The following MRPL10 variants were observed in gnomAD, a reference collection of about 807,000 sequenced individuals.
MRPL10 encodes large ribosomal subunit protein uL10m.
Under a neutral mutation model 19.8 loss-of-function variants are expected in MRPL10, and 14 were observed. The ratio of observed to expected loss-of-function variants is 0.71; its 90% CI spans 0.47 to 1.11. The LOEUF (loss-of-function observed/expected upper bound fraction) is 1.11, where lower values mean the gene tolerates loss of function less well. Among genes scored for constraint, MRPL10 ranks in the 50% least tolerant of loss-of-function variants. The probability of loss-of-function intolerance (pLI) is 0.00; values close to 1 mark genes in which losing one functional copy is unlikely to be tolerated. For synonymous variants in MRPL10, 129 were observed against 139.2 expected (o/e 0.93, Z 0.52); for missense variants, 318 against 339.6 (o/e 0.94, Z 0.50).
chr17:47,827,995 G>A (rs2033562819), intron 2 of MRPL10, among the ~76,000 whole-genome samples: 1 of 150,858 alleles, frequency 6.6e-6, no homozygotes, highest in Non-Finnish European at 1.5e-5. Context: ...ACGAGGTCAG[G>A]AGATCAAGAC....
chr17:47,826,960 T>C (rs757084228), intron 3 of MRPL10, 80 bp downstream of exon 3: 19 of 1,478,058 alleles, frequency 1.3e-5, no homozygotes, highest in Non-Finnish European at 1.7e-5. Context: ...GTATCATCAC[T>C]GGGGAGCAGA....
At chr17:47,829,941 A>G (rs1437997803) in intron 1 of MRPL10, among the ~76,000 whole-genome samples, 1 of 151,994 alleles carries the variant, frequency 6.6e-6, no homozygotes, top group Non-Finnish European at 1.5e-5. Flanking sequence ...ATAAATTCTC[A>G]GGCCCTGCCT....
rs182551971 is a variant in MRPL10 at position 47,828,157 on chromosome 17, C to G, written c.222+344G>C. Among the ~76,000 whole-genome samples, 19 of 150,948 alleles carry G rather than the reference C, an allele frequency of 1.3e-4. No individual in the cohort carries two copies. In the East Asian group the frequency reaches 2.3e-3, roughly 19 times the overall value. Reference sequence around the variant, plus strand: ...GGCAGAGGCTGCAGTGAGCCAAGATCGCGCCATTGTACTCCAGCTTGGGCA... The same window carrying G: ...GGCAGAGGCTGCAGTGAGCCAAGATGGCGCCATTGTACTCCAGCTTGGGCA... On this transcript the variant is annotated intron_variant, in intron 2 of 4. Coordinates refer to ENST00000351111, the MANE Select transcript of MRPL10 (RefSeq NM_145255.4).
intron 4 of MRPL10, among the ~76,000 whole-genome samples, chr17:47,825,132 C>T (rs1027141470): frequency 1.3e-5 from 2 of 150,848 alleles, no homozygotes; most frequent in African/African-American, 4.9e-5. Flanking sequence ...AGTTTGAGAT[C>T]AACCTGGCCA....
chr17:47,827,322 G>A, intron 2 of MRPL10, 118 bp from the exon 3 acceptor site: 1 of 779,966 alleles, frequency 1.3e-6, no homozygotes, highest in Non-Finnish European at 2.0e-6. Flanking sequence ...AAAGATCGGG[G>A]AACAAGTAGG....
intron 2 of MRPL10, 49 bp downstream of exon 2, chr17:47,828,452 T>C: frequency 7.6e-7 from 1 of 1,322,132 alleles, no homozygotes; most frequent in Non-Finnish European, 1.0e-6. Flanking sequence ...AAGATTACTT[T>C]AATCCACCAT....
chr17:47,826,779 G>A lies in MRPL10; in HGVS notation c.390C>T (p.Val130=), dbSNP rs747605349. 3 of 1,614,198 alleles carry A rather than the reference G, an allele frequency of 1.9e-6. No homozygotes were observed. Among genetic ancestry groups the A allele is most frequent in the Admixed American group, 3.3e-5 (2 of 60,024 alleles). ...TGGAATCCTCCAGGAAGGGCTTCAG[G>A]ACCTGGGAACAGCAGGGAAAAATGG... ...KILMKVFPNQ[V]LKPFLEDSKY... The change falls in exon 4 of 5, where the codon GTC becomes GTT. Residue 130 remains valine, a splice_region_variant and synonymous_variant. Transcript: ENST00000351111.
At chr17:47,825,315 G>A (rs1031958488) in intron 4 of MRPL10, among the ~76,000 whole-genome samples, 1 of 152,060 alleles carries the variant, frequency 6.6e-6, no homozygotes, top group African/African-American at 2.4e-5. Context: ...GGCAACAACT[G>A]CGAAACTCCG....
chr17:47,828,228 G>T, intron 2 of MRPL10: 1 of 291,904 alleles, frequency 3.4e-6, no homozygotes, highest in East Asian at 5.7e-5. Context: ...AGATTGGAGA[G>T]ATACTCTCCC....
intron 1 of MRPL10, among the ~76,000 whole-genome samples, chr17:47,830,963 AAC>A (rs920771542): frequency 2.0e-5 from 3 of 152,224 alleles, no homozygotes; most frequent in African/African-American, 7.2e-5. Flanking sequence ...TAAATGAGCT[AAC>A]ACATATAAAA....
intron 4 of MRPL10, among the ~76,000 whole-genome samples, chr17:47,826,043 A>G (rs947866738): frequency 1.3e-5 from 2 of 149,286 alleles, no homozygotes; most frequent in Non-Finnish European, 3.0e-5. Context: ...GCTACTCAGG[A>G]GGCTGAGGCA....
chr17:47,831,373 T>G, intron 1 of MRPL10, 87 bp downstream of exon 1: 1 of 1,542,796 alleles, frequency 6.5e-7, no homozygotes. Flanking sequence ...GGTCAGAGAT[T>G]ATGGGAAGAA....
In MRPL10 at chr17:47,828,416, T is replaced by C. The variant is rs567134414; in HGVS notation, c.222+85A>G. The C allele has an allele frequency of 1.5e-5, 14 of 960,468 alleles. No homozygotes were observed. The East Asian group carries it at 4.2e-4, about 29-fold the overall frequency. The allele number at this position is 960,468 out of a possible 1,614,324, so 59.5% of individuals were successfully genotyped here. On this transcript the variant is annotated intron_variant, in intron 2 of 4. Transcript: ENST00000351111. ...AATGACGTGCATGACAATGGCTGAG[T>C]GTCCTACTTCACTATGGCCAGAGAC...
intron 4 of MRPL10, among the ~76,000 whole-genome samples, chr17:47,826,165 A>T (rs893451596): frequency 1.2e-4 from 18 of 151,548 alleles, no homozygotes; most frequent in African/African-American, 4.4e-4. Flanking sequence ...AAAAAAAAAA[A>T]AAATCAGATT....
At chr17:47,831,319 T>C (rs564970152) in intron 1 of MRPL10, 141 bp downstream of exon 1, 287 of 1,531,888 alleles carry the variant, frequency 1.9e-4, no homozygotes, top group Admixed American at 7.2e-4. Context: ...ACCAGTCGAG[T>C]CACAAGGAAC....
At position 47,823,919 on chromosome 17, in the gene MRPL10, A is replaced by G; in HGVS notation, c.*286T>C. Reference sequence around the variant, plus strand: ...GAGGCAGTGACCAAGGAGGCAGGGGACAATAGCCCTATCTTTTCAGGATCT... The same window carrying G: ...GAGGCAGTGACCAAGGAGGCAGGGGGCAATAGCCCTATCTTTTCAGGATCT... On this transcript the variant is annotated 3_prime_UTR_variant, in exon 5 of 5. Transcript: ENST00000351111. The G allele has an allele frequency of 2.3e-6, 1 of 433,668 alleles. No homozygotes were observed. Among genetic ancestry groups the G allele is most frequent in the South Asian group, 2.2e-5 (1 of 44,486 alleles). The allele number at this position is 433,668 out of a possible 1,614,324, so 26.9% of individuals were successfully genotyped here. A position where few individuals can be genotyped will look rare whatever the true frequency, so the allele number is the denominator to read the frequency against.
intron 1 of MRPL10, 55 bp downstream of exon 1, chr17:47,831,405 T>A: frequency 1.3e-6 from 2 of 1,546,664 alleles, no homozygotes; most frequent in Non-Finnish European, 1.7e-6. Flanking sequence ...GGAGGGCAGA[T>A]GAGGACTAGA....
chr17:47,826,737 C>T lies in MRPL10; in HGVS notation c.432G>A (p.Leu144=). 2 of 1,614,224 alleles carry T rather than the reference C, an allele frequency of 1.2e-6. No individual in the cohort carries two copies. Among genetic ancestry groups the T allele is most frequent in the Non-Finnish European group, 1.7e-6 (2 of 1,180,050 alleles). Residue 144 remains leucine, a synonymous_variant, in exon 4 of 5, where the codon CTG becomes CTA. Coordinates refer to ENST00000351111, the MANE Select transcript of MRPL10 (RefSeq NM_145255.4). ...FLEDSKYQNL[L]PLFVGHNMLL... ...GCATGTTGTGCCCCACAAAAAGGGG[C>T]AGCAGATTTTGGTACTTGGAATCCT...
intron 1 of MRPL10, 172 bp downstream of exon 1, chr17:47,831,288 C>G: frequency 6.6e-7 from 1 of 1,517,406 alleles, no homozygotes; most frequent in Non-Finnish European, 8.8e-7. Context: ...CAGACAACAT[C>G]TGGACGTTGT....
Sources: gnomAD v4.1 joint callset for allele counts (sites outside exome capture counted in the v4.1 genomes callset) on GRCh38, gnomAD v4.1.1 for gene constraint, MANE v1.5 for transcripts, NCBI Gene and HGNC (gene_info 2026-07-23, HGNC 2026-07-21) for gene names.